Variants in OXCT1 observed in about 807,000 individuals in gnomAD.
OXCT1 encodes succinyl-CoA:3-ketoacid coenzyme A transferase 1, mitochondrial.
A neutral mutation model predicts 69.6 loss-of-function variants in OXCT1; 27 were observed. The observed-to-expected ratio is 0.39, with a 90% confidence interval of 0.29 to 0.54. OXCT1 has a LOEUF of 0.54. Among genes scored for constraint, OXCT1 ranks in the 20% least tolerant of loss-of-function variants. OXCT1 has a pLI of 0.72. For synonymous variants in OXCT1, 202 were observed against 217.8 expected (o/e 0.93, Z 0.64); for missense variants, 437 against 650.2 (o/e 0.67, Z 3.57).
rs1185354879 is a variant in OXCT1 at position 41,870,371 on chromosome 5, A to T, written c.-13T>A. 6.2e-6 allele frequency: 10 copies of T among 1,606,156 alleles called. No homozygotes were observed. Among genetic ancestry groups the T allele is most frequent in the Admixed American group, 3.3e-5 (2 of 59,952 alleles). ...TGAGAGCCGCCATCTTCGGGCGGTG[A>T]GGCAGGAGGAGGCTGCGGGTTGGAG... is the stretch of plus-strand genomic sequence containing the variant. On this transcript the variant is annotated 5_prime_UTR_variant, in exon 1 of 17. Transcript: ENST00000196371. This position sits in a 1 kb window ranked among gnomAD's most constrained non-coding sequence, Gnocchi z 4.2.
At chr5:41,857,713 AT>A (rs1749497077) in intron 3 of OXCT1, among the ~76,000 whole-genome samples, 1 of 152,146 alleles carries the variant, frequency 6.6e-6, no homozygotes, top group African/African-American at 2.4e-5. Flanking sequence ...CACCCCTCCA[AT>A]ACAAATTCCA....
chr5:41,748,071 G>T (rs879070356), intron 15 of OXCT1, among the ~76,000 whole-genome samples: 1 of 152,076 alleles, frequency 6.6e-6, no homozygotes, highest in Non-Finnish European at 1.5e-5. Flanking sequence ...TTTTTAAAAT[G>T]ATAGTAAAGT....
chr5:41,789,340 C>T (rs1745802787), intron 13 of OXCT1, among the ~76,000 whole-genome samples: 1 of 152,162 alleles, frequency 6.6e-6, no homozygotes, highest in African/African-American at 2.4e-5. Flanking sequence ...TTGCTGACCC[C>T]TGTTAGAATA....
chr5:41,856,610 T>C (rs1749440632), intron 3 of OXCT1, among the ~76,000 whole-genome samples: 1 of 152,164 alleles, frequency 6.6e-6, no homozygotes, highest in South Asian at 2.1e-4. Context: ...TCAAAGTGTC[T>C]AGGTAACAGG....
At chr5:41,843,072 T>C (rs1175701812) in intron 5 of OXCT1, among the ~76,000 whole-genome samples, 1 of 152,252 alleles carries the variant, frequency 6.6e-6, no homozygotes, top group African/African-American at 2.4e-5. Context: ...ATTTTCATTT[T>C]ACTATTTGTA....
At chr5:41,840,026 C>T (rs142047051) in intron 7 of OXCT1, among the ~76,000 whole-genome samples, 116 of 152,298 alleles carry the variant, frequency 7.6e-4, no homozygotes, top group African/African-American at 2.7e-3. Context: ...CTGAATTGAA[C>T]CACATCAAAG....
chr5:41,788,096 A>C (rs1579737690), intron 13 of OXCT1, among the ~76,000 whole-genome samples: 1 of 152,210 alleles, frequency 6.6e-6, no homozygotes, highest in Non-Finnish European at 1.5e-5. Context: ...TGCAGAATTA[A>C]CTATCACTAA....
At chr5:41,843,647 T>C (rs1039181775) in intron 5 of OXCT1, 2 of 454,230 alleles carry the variant, frequency 4.4e-6, no homozygotes, top group East Asian at 1.4e-4. Context: ...ACTCCATCAC[T>C]GCACAAAATG....
chr5:41,758,811 T>C (rs1218788346), intron 14 of OXCT1, among the ~76,000 whole-genome samples: 1 of 151,996 alleles, frequency 6.6e-6, no homozygotes, highest in African/African-American at 2.4e-5. Context: ...GGCTTTAACT[T>C]TAAAGACATA....
intron 16 of OXCT1, among the ~76,000 whole-genome samples, chr5:41,735,923 T>C (rs976721643): frequency 6.6e-6 from 1 of 152,228 alleles, no homozygotes. Context: ...CAATGAAGGC[T>C]ACCCTTGTGG....
intron 14 of OXCT1, among the ~76,000 whole-genome samples, chr5:41,756,465 A>T (rs970463693): frequency 3.3e-5 from 5 of 152,124 alleles, no homozygotes; most frequent in Non-Finnish European, 7.4e-5. Context: ...AACCTCTATG[A>T]AATTCTGCCT....
At chr5:41,745,732 C>T (rs1743450192) in intron 15 of OXCT1, among the ~76,000 whole-genome samples, 1 of 152,096 alleles carries the variant, frequency 6.6e-6, no homozygotes, top group Non-Finnish European at 1.5e-5. Flanking sequence ...CCACCGATCC[C>T]ACAGAAATAC....
At chr5:41,765,013 C>A (rs911909882) in intron 13 of OXCT1, among the ~76,000 whole-genome samples, 1 of 152,090 alleles carries the variant, frequency 6.6e-6, no homozygotes, top group Non-Finnish European at 1.5e-5. Context: ...CATTTCAATT[C>A]CCAAAGGATT....
intron 4 of OXCT1, among the ~76,000 whole-genome samples, chr5:41,853,081 AT>A (rs1749259777): frequency 6.6e-6 from 1 of 152,132 alleles, no homozygotes; most frequent in South Asian, 2.1e-4. Flanking sequence ...AAAAAAAAAA[AT>A]AAAAATAAAT....
chr5:41,825,144 C>G (rs1747743449), intron 7 of OXCT1, among the ~76,000 whole-genome samples: 1 of 152,104 alleles, frequency 6.6e-6, no homozygotes, highest in South Asian at 2.1e-4. Context: ...TCGAAGAACC[C>G]AAATATGTTC....
intron 5 of OXCT1, among the ~76,000 whole-genome samples, chr5:41,849,023 G>A (rs907067807): frequency 3.9e-5 from 6 of 152,130 alleles, no homozygotes; most frequent in South Asian, 4.1e-4. Context: ...GAAAATTTTC[G>A]CAACCTACTC....
At chr5:41,857,265 G>A (rs538826349) in intron 3 of OXCT1, among the ~76,000 whole-genome samples, 7 of 152,282 alleles carry the variant, frequency 4.6e-5, no homozygotes, top group African/African-American at 1.4e-4. Flanking sequence ...CACTGCTCTT[G>A]CTCACACCCT....
chr5:41,859,907 T>TATATATATATATATATATACACAC (rs1304074270), intron 3 of OXCT1, among the ~76,000 whole-genome samples: 1 of 138,480 alleles, frequency 7.2e-6, no homozygotes, highest in African/African-American at 2.7e-5. Flanking sequence ...TATATATATA[T>TATATATATATATATATATACACAC]ACACACACAC....
rs1445442510 is a variant in OXCT1, at chr5:41,794,481, C to G, written c.1172+196G>C. ...AGGCATGGATTCCATTTTGGGGGTTCTTTTCCTAACAGTGGGCTGGATATT... is the reference window on the plus strand; with the variant it reads ...AGGCATGGATTCCATTTTGGGGGTTGTTTTCCTAACAGTGGGCTGGATATT... On this transcript the variant is annotated intron_variant, in intron 12 of 16. Coordinates refer to ENST00000196371, the MANE Select transcript of OXCT1 (RefSeq NM_000436.4). 1.8e-5 allele frequency: 11 copies of G among 621,798 alleles called. 1 individual carries two copies. Among genetic ancestry groups the G allele is most frequent in the Non-Finnish European group, 2.8e-5 (10 of 354,226 alleles). The allele number at this position is 621,798 out of a possible 1,614,324, so 38.5% of individuals were successfully genotyped here.
Sources: allele counts gnomAD v4.1 joint callset (sites outside exome capture counted in the v4.1 genomes callset), GRCh38; gene constraint gnomAD v4.1.1; non-coding constraint Gnocchi (gnomAD v3.1); transcripts MANE v1.5; gene names NCBI Gene and HGNC (gene_info 2026-07-23, HGNC 2026-07-21).